The following RBFOX1 variants were observed in gnomAD, a reference collection of about 807,000 sequenced individuals.
RBFOX1 encodes the protein RNA binding protein fox-1 homolog 1.
In RBFOX1, 8 loss-of-function variants were observed where a neutral mutation model predicts 57.7. That is an observed-to-expected ratio of 0.14 (90% CI 0.08 to 0.25). The LOEUF is 0.25. RBFOX1 is among the 10% of genes least tolerant of loss of function. The pLI is 1.00. For missense variants in RBFOX1, 611 were observed against 548.5 expected, an observed-to-expected ratio of 1.11 and a Z score of -1.14; for synonymous variants, 326 against 222.4, an observed-to-expected ratio of 1.47 and a Z score of -4.15.
At chr16:6,731,898 CTA>C (rs1431922135) in intron 3 of RBFOX1, among the ~76,000 whole-genome samples, 4 of 152,144 alleles carry the variant, frequency 2.6e-5, no homozygotes, top group African/African-American at 9.6e-5. Flanking sequence ...CTGGGTCTTC[CTA>C]TGTTTTCTTG....
Position 6,904,258 on chromosome 16 carries a change from G to C in RBFOX1, c.-15-147799G>C, listed in dbSNP as rs192357834. Among the ~76,000 whole-genome samples the C allele has an allele frequency of 3.6e-4, 53 of 148,378 alleles. No individual in the cohort carries two copies. In the East Asian group the frequency reaches 8.9e-3, roughly 25 times the overall value. ...TAAACTGTCATTTGCAGGGACTTCT[G>C]TTGTTGAACCTGTTCTCTGTGAGGC... On this transcript the variant is annotated intron_variant, in intron 3 of 15. Transcript: ENST00000550418.
rs1382775577 is a variant in RBFOX1 at position 6,898,825 on chromosome 16, ATGTG to A, written c.-15-153228_-15-153225del. ...TGTATAACGTGCATGTGTATAATAC[ATGTG>A]TGTATGTGTGTGCATGTGTATGTGT... On this transcript the variant is annotated intron_variant, in intron 3 of 15. Transcript: ENST00000550418. Among the ~76,000 whole-genome samples the A allele has an allele frequency of 4.6e-5, 7 of 151,444 alleles. No homozygotes were observed. In the East Asian group the frequency reaches 1.4e-3, roughly 29 times the overall value.
At chr16:7,530,744 C>T (rs2079854060) in intron 5 of RBFOX1, among the ~76,000 whole-genome samples, 1 of 152,208 alleles carries the variant, frequency 6.6e-6, no homozygotes, top group Non-Finnish European at 1.5e-5. Context: ...GTCCAAGTGA[C>T]TGTACAATCT....
At chr16:6,727,050 A>AACACACACACACACACACACACAC (rs71408406) in intron 3 of RBFOX1, among the ~76,000 whole-genome samples, 2,963 of 135,716 alleles carry the variant, frequency 0.022, 71 homozygotes, top group African/African-American at 0.026. Flanking sequence ...ATTTGGACTG[A>AACACACACACACACACACACACAC]ACACACACAC....
chr16:6,652,417 C>T (rs1261473020), intron 2 of RBFOX1, among the ~76,000 whole-genome samples: 2 of 151,830 alleles, frequency 1.3e-5, no homozygotes, highest in Admixed American at 6.6e-5. Context: ...CACTGCACTC[C>T]AGTCTGGCGA....
rs187143825 is a variant in RBFOX1 at position 6,650,112 on chromosome 16, A to C, written c.-63-4491A>C. Among the ~76,000 whole-genome samples, 448 of 152,222 alleles carry C rather than the reference A, an allele frequency of 2.9e-3. 3 individuals carry two copies. The highest frequency in any genetic ancestry group is 5.5e-3 in the Non-Finnish European group (374 of 68,012). On this transcript the variant is annotated intron_variant, in intron 2 of 15. Coordinates refer to ENST00000550418, the MANE Select transcript of RBFOX1 (RefSeq NM_018723.4). The stretch of plus-strand genomic sequence containing the variant: ...TAGTCGGATTGCTGGATCATACAGT[A>C]GATCTGTTTTTAATTTTTTGAGAAG...
intron 14 of RBFOX1, among the ~76,000 whole-genome samples, chr16:7,690,376 C>T (rs2077055416): frequency 6.6e-6 from 1 of 152,072 alleles, no homozygotes; most frequent in Non-Finnish European, 1.5e-5. Flanking sequence ...CAGAGGTTAC[C>T]ATTTAATTGG....
chr16:7,237,224 T>C (rs2093813283), intron 4 of RBFOX1, among the ~76,000 whole-genome samples: 1 of 152,200 alleles, frequency 6.6e-6, no homozygotes, highest in African/African-American at 2.4e-5. Context: ...TCTTGCCTTG[T>C]AATCCAGAAG....
chr16:7,258,397 G>A (rs1020666809), intron 4 of RBFOX1, among the ~76,000 whole-genome samples: 1 of 152,010 alleles, frequency 6.6e-6, no homozygotes, highest in African/African-American at 2.4e-5. Context: ...CACTTAACTT[G>A]GGAAGATTTG....
chr16:6,437,157 A>C (rs530243552), intron 2 of RBFOX1, among the ~76,000 whole-genome samples: 1 of 152,300 alleles, frequency 6.6e-6, no homozygotes, highest in South Asian at 2.1e-4. Context: ...AAGAAGATCT[A>C]TCACCCACAG....
At chr16:7,194,929 CAAAA>C (rs59919051) in intron 4 of RBFOX1, among the ~76,000 whole-genome samples, 8 of 134,186 alleles carry the variant, frequency 6.0e-5, no homozygotes, top group African/African-American at 2.2e-4. Flanking sequence ...CCCTGTTTCA[CAAAA>C]AAAAAAAAAA....
intron 4 of RBFOX1, among the ~76,000 whole-genome samples, chr16:7,091,370 T>A (rs948792562): frequency 6.6e-6 from 1 of 152,138 alleles, no homozygotes. Flanking sequence ...AAAAACTTTT[T>A]TTTTTTAGAA....
chr16:5,494,320 A>G (rs2042930227), intron 2 of RBFOX1, among the ~76,000 whole-genome samples: 1 of 152,208 alleles, frequency 6.6e-6, no homozygotes, highest in Admixed American at 6.5e-5. Context: ...TGAGCCAGAG[A>G]CTAGACTTGT....
At chr16:7,362,961 C>T (rs1568421117) in intron 4 of RBFOX1, among the ~76,000 whole-genome samples, 1 of 152,236 alleles carries the variant, frequency 6.6e-6, no homozygotes, top group Middle Eastern at 3.4e-3. Flanking sequence ...CTTAGCCTCT[C>T]TGAGCTTTTG....
At chr16:5,793,350 C>A (rs146076444) in intron 3 of RBFOX1, among the ~76,000 whole-genome samples, 134 of 152,334 alleles carry the variant, frequency 8.8e-4, no homozygotes, top group African/African-American at 3.2e-3. Flanking sequence ...GTCAACATGC[C>A]ATTGAAAAGG....
chr16:6,071,645 G>A (rs965550208), intron 1 of RBFOX1, among the ~76,000 whole-genome samples: 1 of 152,210 alleles, frequency 6.6e-6, no homozygotes, highest in African/African-American at 2.4e-5. Flanking sequence ...GGCATAATAT[G>A]ATATTGTTGA....
At chr16:5,348,686 A>C (rs1014575431) in intron 1 of RBFOX1, among the ~76,000 whole-genome samples, 1 of 152,226 alleles carries the variant, frequency 6.6e-6, no homozygotes, top group African/African-American at 2.4e-5. Context: ...TTATGTGTTT[A>C]GTAGATGTGT....
At chr16:6,841,138 T>C (rs1186836198) in intron 3 of RBFOX1, among the ~76,000 whole-genome samples, 1 of 152,100 alleles carries the variant, frequency 6.6e-6, no homozygotes, top group Non-Finnish European at 1.5e-5. Flanking sequence ...CCTTGTACAC[T>C]CTGGATATTA....
At position 6,314,934 on chromosome 16, in the gene RBFOX1, A is replaced by T. The variant is rs4786095; in HGVS notation, c.-126-2061A>T. Among the ~76,000 whole-genome samples, 65 of 152,150 alleles carry T rather than the reference A, an allele frequency of 4.3e-4. 1 individual carries two copies. The East Asian group carries it at 0.01, about 24-fold the overall frequency. ...TTCCACTTCTCACCTTTACGATGTC[A>T]GCTCCGTTGCCACTTCCTTGATGGA... On this transcript the variant is annotated intron_variant, in intron 1 of 15. Transcript: ENST00000550418.
Sources: gnomAD v4.1 joint callset for allele counts (sites outside exome capture counted in the v4.1 genomes callset) on GRCh38, gnomAD v4.1.1 for gene constraint, MANE v1.5 for transcripts, NCBI Gene and HGNC (gene_info 2026-07-23, HGNC 2026-07-21) for gene names.